Variants in SNTG1 observed in about 807,000 individuals in gnomAD.
SNTG1 encodes the protein gamma-1-syntrophin.
In SNTG1, 39 loss-of-function variants were observed where a neutral mutation model predicts 74.7. That is an observed-to-expected ratio of 0.52 (90% CI 0.40 to 0.68). The LOEUF is 0.68. SNTG1 is among the 30% of genes least tolerant of loss of function. The probability of loss-of-function intolerance (pLI) is 0.00; values close to 1 mark genes in which losing one functional copy is unlikely to be tolerated. For synonymous variants in SNTG1, 254 were observed against 217.1 expected (o/e 1.17, Z -1.49); for missense variants, 685 against 609.5 (o/e 1.12, Z -1.30).
At chr8:50,320,359 T>C (rs544893847) in intron 2 of SNTG1, among the ~76,000 whole-genome samples, 9 of 152,288 alleles carry the variant, frequency 5.9e-5, no homozygotes, top group Admixed American at 2.0e-4. Flanking sequence ...TTGTAATGTT[T>C]CATTTTTCAT....
chr8:50,778,229 G>A (rs906056921), intron 18 of SNTG1, among the ~76,000 whole-genome samples: 4 of 152,114 alleles, frequency 2.6e-5, no homozygotes, highest in Non-Finnish European at 5.9e-5. Context: ...GTAACAGGAT[G>A]GCTGGGTCAA....
chr8:50,601,429 T>C (rs2094774379), intron 13 of SNTG1, among the ~76,000 whole-genome samples: 2 of 152,132 alleles, frequency 1.3e-5, no homozygotes, highest in Non-Finnish European at 2.9e-5. Flanking sequence ...TTTGTATGGC[T>C]TCTAAAATTC....
intron 2 of SNTG1, among the ~76,000 whole-genome samples, chr8:50,178,243 T>C (rs976230374): frequency 2.0e-5 from 3 of 152,188 alleles, no homozygotes; most frequent in African/African-American, 7.2e-5. Flanking sequence ...GCAAAGCTGT[T>C]TTCCAATGTG....
intron 1 of SNTG1, among the ~76,000 whole-genome samples, chr8:49,941,839 C>T (rs1341108501): frequency 6.6e-6 from 1 of 152,178 alleles, no homozygotes; most frequent in Non-Finnish European, 1.5e-5. Flanking sequence ...CCTTTTCTCT[C>T]TCGCTTTTAC....
chr8:50,775,207 C>A (rs2095637355), intron 18 of SNTG1, among the ~76,000 whole-genome samples: 1 of 151,332 alleles, frequency 6.6e-6, no homozygotes, highest in Non-Finnish European at 1.5e-5. Context: ...AATGATTTAG[C>A]TATATGATGT....
intron 9 of SNTG1, among the ~76,000 whole-genome samples, chr8:50,503,755 G>T (rs1255340676): frequency 6.6e-6 from 1 of 152,030 alleles, no homozygotes; most frequent in Non-Finnish European, 1.5e-5. Context: ...TTGTATGAAT[G>T]TACTACATTT....
intron 15 of SNTG1, among the ~76,000 whole-genome samples, chr8:50,693,726 A>T (rs1011319134): frequency 6.6e-6 from 1 of 152,216 alleles, no homozygotes; most frequent in African/African-American, 2.4e-5. Context: ...GACAAGTCTC[A>T]GCAAATTTAT....
rs2081933695 is a variant in SNTG1 at position 50,148,078 on chromosome 8, G to C, written c.-102-24483G>C. 2.0e-5 allele frequency among the ~76,000 whole-genome samples: 3 copies of C among 152,052 alleles called. No individual in the cohort carries two copies. The South Asian group carries it at 6.2e-4, about 32-fold the overall frequency. Reference sequence around the variant, plus strand: ...ACAACAGCCAAAGTTTGTACAATTTGAGCAAAAATATGCGTAACATAGCGT... The same window carrying C: ...ACAACAGCCAAAGTTTGTACAATTTCAGCAAAAATATGCGTAACATAGCGT... On this transcript the variant is annotated intron_variant, in intron 1 of 18. Coordinates refer to ENST00000642720, the MANE Select transcript of SNTG1 (RefSeq NM_018967.5).
chr8:50,301,868 T>TG (rs1210143425), intron 2 of SNTG1, among the ~76,000 whole-genome samples: 1 of 47,718 alleles, frequency 2.1e-5, no homozygotes, highest in African/African-American at 3.7e-5. Context: ...TTTTGTTTTT[T>TG]TTTTTTGAGA....
At chr8:50,339,873 A>G (rs1045141180) in intron 2 of SNTG1, among the ~76,000 whole-genome samples, 4 of 151,956 alleles carry the variant, frequency 2.6e-5, no homozygotes, top group Non-Finnish European at 5.9e-5. Context: ...ATTAAAAGAC[A>G]GACTTTCTGT....
At chr8:50,231,288 G>A (rs1480364801) in intron 2 of SNTG1, among the ~76,000 whole-genome samples, 1 of 151,384 alleles carries the variant, frequency 6.6e-6, no homozygotes, top group East Asian at 1.9e-4. Context: ...TGGTGGGAAT[G>A]TAAATTAGTA....
intron 9 of SNTG1, among the ~76,000 whole-genome samples, chr8:50,504,816 C>A (rs117469751): frequency 0.013 from 1,951 of 152,042 alleles, 19 homozygotes; most frequent in Middle Eastern, 0.02. Context: ...AAATTTATTT[C>A]CAAAGTGAGC....
chr8:49,975,200 A>G (rs964393779), intron 1 of SNTG1, among the ~76,000 whole-genome samples: 1 of 152,216 alleles, frequency 6.6e-6, no homozygotes, highest in Non-Finnish European at 1.5e-5. Context: ...ATAACTGCAA[A>G]CTAAACTTTT....
At chr8:50,624,459 G>T (rs3849806) in intron 13 of SNTG1, among the ~76,000 whole-genome samples, 15,889 of 151,928 alleles carry the variant, frequency 0.1, 2,023 homozygotes, top group African/African-American at 0.29. Flanking sequence ...GACCAAAATG[G>T]CCCTGGATGT....
At chr8:50,155,861 A>G (rs375015814) in intron 1 of SNTG1, among the ~76,000 whole-genome samples, 1 of 152,020 alleles carries the variant, frequency 6.6e-6, no homozygotes, top group African/African-American at 2.4e-5. Context: ...GTTGTTTGAA[A>G]TGATGAATAA....
intron 2 of SNTG1, among the ~76,000 whole-genome samples, chr8:50,389,454 T>G (rs963152536): frequency 2.6e-5 from 4 of 152,194 alleles, no homozygotes; most frequent in African/African-American, 9.7e-5. Context: ...CAGGCCCTGG[T>G]GTGTGACGTT....
intron 9 of SNTG1, among the ~76,000 whole-genome samples, chr8:50,527,321 G>T (rs1381152086): frequency 2.0e-5 from 3 of 151,980 alleles, no homozygotes; most frequent in African/African-American, 7.2e-5. Flanking sequence ...GGTTGTCTTT[G>T]TTAGCAGAAG....
At chr8:50,557,825 G>A (rs1380396303) in intron 12 of SNTG1, among the ~76,000 whole-genome samples, 5 of 152,230 alleles carry the variant, frequency 3.3e-5, no homozygotes, top group African/African-American at 4.8e-5. Flanking sequence ...GATTTAGACA[G>A]TTCTGTCTGA....
intron 1 of SNTG1, among the ~76,000 whole-genome samples, chr8:49,968,703 A>T (rs989935396): frequency 3.9e-5 from 6 of 152,190 alleles, no homozygotes; most frequent in African/African-American, 7.2e-5. Flanking sequence ...CCAAAGCTAT[A>T]GCTGGAAGAA....
Sources: allele counts gnomAD v4.1 joint callset (sites outside exome capture counted in the v4.1 genomes callset), GRCh38; gene constraint gnomAD v4.1.1; transcripts MANE v1.5; gene names NCBI Gene and HGNC (gene_info 2026-07-23, HGNC 2026-07-21).